NPAT: variants seen among roughly 807,000 people sequenced by gnomAD.
NPAT encodes the protein protein NPAT.
NPAT carries 52 observed loss-of-function variants against 130.7 expected under a neutral mutation model. That is an observed-to-expected ratio of 0.40 (90% confidence interval 0.32 to 0.50). The LOEUF is 0.50. Ranked by LOEUF, NPAT falls within the 20% of genes least tolerant of loss-of-function variation. The pLI is 0.68. For missense variants in NPAT, 1,687 were observed against 1,662.6 expected (o/e 1.01, Z -0.26); for synonymous variants, 580 against 584.8 (o/e 0.99, Z 0.12).
chr11:108,203,080 T>C (rs1200340726), intron 1 of NPAT, among the ~76,000 whole-genome samples: 3 of 152,276 alleles, frequency 2.0e-5, no homozygotes, highest in East Asian at 1.9e-4. Flanking sequence ...CGCAGAAAAC[T>C]GTCTTGAGAG....
Position 108,189,206 on chromosome 11 carries a change from G to A in NPAT, c.456C>T (p.Ser152=). 1 of 1,614,188 alleles carries A rather than the reference G, an allele frequency of 6.2e-7. No homozygotes were observed. The highest frequency in any genetic ancestry group is 1.1e-5 in the South Asian group (1 of 91,084). ...TTGGTCGAGTAACCTGTGTACCTGTGGAAGGAGGAGTGGTAAACTGTCCTG... is the reference window on the plus strand; with the variant it reads ...TTGGTCGAGTAACCTGTGTACCTGTAGAAGGAGGAGTGGTAAACTGTCCTG... ...YLSGQFTTPP[S]TGTQVTRPSG... The change falls in exon 6 of 18, where the codon TCC becomes TCT. Residue 152 remains serine, a synonymous_variant. Coordinates refer to ENST00000278612, the MANE Select transcript of NPAT (RefSeq NM_002519.3).
At chr11:108,213,544 C>T (rs1471679149) in intron 1 of NPAT, among the ~76,000 whole-genome samples, 2 of 152,180 alleles carry the variant, frequency 1.3e-5, no homozygotes, top group Admixed American at 6.5e-5. Context: ...TGTTCATGGA[C>T]TGAAAGGTTC....
chr11:108,203,164 T>TAA (rs1180252631), intron 1 of NPAT, among the ~76,000 whole-genome samples: 2 of 152,206 alleles, frequency 1.3e-5, no homozygotes, highest in Non-Finnish European at 2.9e-5. Flanking sequence ...AAGCTGGGTT[T>TAA]AATTCCCTTT....
At chr11:108,214,569 A>G (rs1466574112) in intron 1 of NPAT, among the ~76,000 whole-genome samples, 1 of 152,164 alleles carries the variant, frequency 6.6e-6, no homozygotes, top group Admixed American at 6.5e-5. Context: ...ATACCCTGAA[A>G]AACAACGAAG....
In NPAT at chr11:108,172,314, C is replaced by G. The variant is rs2077959108; in HGVS notation, c.2670G>C (p.Leu890Phe). 6.2e-7 allele frequency: 1 copy of G among 1,614,080 alleles called. No homozygotes were observed. The change falls in exon 13 of 18, where the codon TTG (leucine) becomes TTC (phenylalanine). Residue 890 changes from leucine to phenylalanine, a missense_variant. Leu to Phe is a conservative substitution (Grantham distance 22). Around this residue, in one of 3 missense-constraint regions of NPAT, gnomAD observed 1,379 missense variants for 1,346.6 expected, o/e 1.02. Transcript: ENST00000278612. ...CAGTCATAGGTGCAGAATTTCCAGG[C>G]AACACCACTACATTAGACTGACTTA... ...TSVSQSNVVV[L>F]PGNSAPMTAQ... is the part of the protein sequence containing the mutation.
intron 1 of NPAT, among the ~76,000 whole-genome samples, 200 bp downstream of exon 1, chr11:108,222,300 T>C (rs969409245): frequency 6.6e-6 from 1 of 152,120 alleles, no homozygotes; most frequent in African/African-American, 2.4e-5. Flanking sequence ...ACGCAGCCTC[T>C]GAAGAGAGGA....
rs2077969322 is a variant in NPAT at position 108,173,045 on chromosome 11, T to C, written c.1939A>G (p.Thr647Ala). 1 of 1,613,942 alleles carries C rather than the reference T, an allele frequency of 6.2e-7. No homozygotes were observed. The highest frequency in any genetic ancestry group is 8.5e-7 in the Non-Finnish European group (1 of 1,180,016). The change falls in exon 13 of 18, where the codon ACA becomes GCA. Residue 647 changes from threonine to alanine, a missense_variant. Physicochemically the swap from Thr to Ala is moderately conservative, Grantham distance 58. Coordinates refer to ENST00000278612, the MANE Select transcript of NPAT (RefSeq NM_002519.3). ...TTGGATGCCTGAGCTTCATTTTCTG[T>C]ATGATTTAACTCAACAGATGCTGAA... ...NDSASVELNH[T>A]ENEAQASKSE...
rs567792710 is a variant in NPAT at position 108,171,941 on chromosome 11, C to T, written c.2785+258G>A. ...AGTCTGTCTTTTCTGTTTATTGTAA[C>T]TTACTAGCACATAGATTGAGAAGTA... On this transcript the variant is annotated intron_variant, in intron 13 of 17. Coordinates refer to ENST00000278612, the MANE Select transcript of NPAT (RefSeq NM_002519.3). 1,018 of 458,260 alleles carry T rather than the reference C, an allele frequency of 2.2e-3. 12 individuals are homozygous for T. The highest frequency in any genetic ancestry group is 7.1e-3 in the South Asian group (239 of 33,558). The allele number at this position is 458,260 out of a possible 1,614,324, so 28.4% of individuals were successfully genotyped here.
At chr11:108,192,290 G>A in intron 3 of NPAT, 100 bp from the exon 4 acceptor site, 1 of 803,160 alleles carries the variant, frequency 1.2e-6, no homozygotes, top group South Asian at 1.4e-5. Context: ...CTCAATTATT[G>A]ACAGTATGTT....
At position 108,173,133 on chromosome 11, in the gene NPAT, T is replaced by A; in HGVS notation, c.1851A>T (p.Val617=). 6.2e-7 allele frequency: 1 copy of A among 1,613,964 alleles called. No individual in the cohort carries two copies. The highest frequency in any genetic ancestry group is 1.1e-5 in the South Asian group (1 of 91,082). Reference sequence around the variant, plus strand: ...CAAGATGAATTTCTACTTGTCCAGATACATTTAAATGTGAACTTTCAACAG... The same window carrying A: ...CAAGATGAATTTCTACTTGTCCAGAAACATTTAAATGTGAACTTTCAACAG... ...PVSVESSHLN[V]SGQVEIHLGD... is the part of the protein sequence containing the mutation. Residue 617 remains valine (V), a synonymous_variant, in exon 13 of 18, where the codon GTA becomes GTT. Transcript: ENST00000278612.
intron 1 of NPAT, among the ~76,000 whole-genome samples, chr11:108,207,714 G>C (rs748510448): frequency 1.1e-4 from 16 of 152,210 alleles, no homozygotes; most frequent in Non-Finnish European, 2.2e-4. Context: ...AAGCCTGCAG[G>C]GAAAGGGGGG....
intron 1 of NPAT, among the ~76,000 whole-genome samples, chr11:108,210,776 T>C (rs1378154994): frequency 6.6e-6 from 1 of 152,256 alleles, no homozygotes; most frequent in Non-Finnish European, 1.5e-5. Context: ...TGGTGAATTC[T>C]ACAAAACATT....
intron 13 of NPAT, 28 bp downstream of exon 13, chr11:108,172,171 C>T: frequency 6.2e-7 from 1 of 1,601,178 alleles, no homozygotes; most frequent in Non-Finnish European, 8.6e-7. Context: ...CCCAGAGAAA[C>T]AAATTTCAAT....
At chr11:108,175,463 A>G (rs1255888385) in intron 12 of NPAT, among the ~76,000 whole-genome samples, 1 of 152,222 alleles carries the variant, frequency 6.6e-6, no homozygotes, top group Non-Finnish European at 1.5e-5. Context: ...GAGGCCACAT[A>G]AATTCAGGAT....
At position 108,161,121 on chromosome 11, in the gene NPAT, G is replaced by A; in HGVS notation, c.3965C>T (p.Thr1322Ile). ...DLPACSPASE[T>I]GSENSVNMAA... ...CATATTTACACTGTTTTCACTTCCT[G>A]TTTCACTGGCAGGGCTGCAGGCAGG... The change falls in exon 17 of 18, where the codon ACA becomes ATA. Residue 1322 changes from threonine (T) to isoleucine (I), a missense_variant. Thr to Ile is a moderately conservative substitution (Grantham distance 89, BLOSUM62 -1). This residue lies in a region of NPAT where 1,379 missense variants were observed against 1,346.6 expected (regional missense o/e 1.02). Transcript: ENST00000278612. 1.2e-6 allele frequency: 2 copies of A among 1,614,188 alleles called. No homozygotes were observed. The highest frequency in any genetic ancestry group is 1.7e-6 in the Non-Finnish European group (2 of 1,180,030).
At chr11:108,160,351 T>C (rs936183725) in intron 17 of NPAT, among the ~76,000 whole-genome samples, 2 of 151,866 alleles carry the variant, frequency 1.3e-5, no homozygotes, top group Non-Finnish European at 2.9e-5. Flanking sequence ...TACGTAAATT[T>C]GATTTTTCCA....
intron 1 of NPAT, chr11:108,208,341 T>C: frequency 5.5e-6 from 2 of 362,512 alleles, no homozygotes; most frequent in Admixed American, 7.2e-5. Flanking sequence ...GTGAAGTAGC[T>C]CACTTTGGGG....
chr11:108,175,684 C>A (rs536364292), intron 12 of NPAT, among the ~76,000 whole-genome samples: 1 of 152,268 alleles, frequency 6.6e-6, no homozygotes, highest in African/African-American at 2.4e-5. Context: ...GTCTGAGATT[C>A]TCCAAGGACA....
At chr11:108,202,900 A>G (rs938122093) in intron 1 of NPAT, among the ~76,000 whole-genome samples, 4 of 152,156 alleles carry the variant, frequency 2.6e-5, no homozygotes, top group African/African-American at 7.2e-5. Flanking sequence ...TGATGTAATT[A>G]TTCGTTTTGC....
Sources: gnomAD v4.1 joint callset for allele counts (sites outside exome capture counted in the v4.1 genomes callset) on GRCh38, gnomAD v4.1.1 for gene constraint, gnomAD v4.1.1 regional missense constraint, MANE v1.5 for transcripts, NCBI Gene and HGNC (gene_info 2026-07-23, HGNC 2026-07-21) for gene names.